The following DPP10 variants were observed in gnomAD, a reference collection of about 807,000 sequenced individuals.
DPP10 encodes inactive dipeptidyl peptidase 10.
DPP10 carries 33 observed loss-of-function variants against 120.9 expected under a neutral mutation model. The observed-to-expected ratio is 0.27, with a 90% CI of 0.21 to 0.37. The LOEUF (loss-of-function observed/expected upper bound fraction) is 0.37. Ranked by LOEUF, DPP10 falls within the 10% of genes least tolerant of loss-of-function variation. The pLI, the probability that DPP10 is intolerant of heterozygous loss-of-function variation, is 1.00. For missense variants in DPP10, 816 were observed against 942.8 expected (o/e 0.87, Z 1.76); for synonymous variants, 337 against 326.1 (o/e 1.03, Z -0.36).
chr2:115,452,129 C>T (rs574234550), intron 3 of DPP10, among the ~76,000 whole-genome samples: 85 of 151,648 alleles, frequency 5.6e-4, no homozygotes, highest in African/African-American at 2.0e-3. Flanking sequence ...TCTCATTACT[C>T]TTCTTCTTCT....
chr2:114,710,754 A>G (rs1056198653), intron 1 of DPP10, among the ~76,000 whole-genome samples: 1 of 152,204 alleles, frequency 6.6e-6, no homozygotes, highest in African/African-American at 2.4e-5. Flanking sequence ...AAAAAAATAA[A>G]AAAAATTAAA....
At chr2:114,546,666 C>T (rs1043138995) in intron 1 of DPP10, among the ~76,000 whole-genome samples, 66 of 152,112 alleles carry the variant, frequency 4.3e-4, no homozygotes, top group African/African-American at 1.2e-3. Context: ...TGGTGACATC[C>T]GTATCTCCTA....
At chr2:115,637,769 C>T (rs1264446478) in intron 5 of DPP10, among the ~76,000 whole-genome samples, 2 of 152,194 alleles carry the variant, frequency 1.3e-5, no homozygotes, top group Non-Finnish European at 2.9e-5. Context: ...GGGAAGCCTA[C>T]ACACAGCTCT....
At chr2:115,308,693 GTTTTTTT>G (rs3068805) in intron 1 of DPP10, among the ~76,000 whole-genome samples, 3 of 126,642 alleles carry the variant, frequency 2.4e-5, no homozygotes, top group Admixed American at 8.0e-5. Context: ...ACTAAATCCT[GTTTTTTT>G]TTTTTTTTTT....
chr2:114,558,455 T>C (rs997747805), intron 1 of DPP10, among the ~76,000 whole-genome samples: 2 of 152,274 alleles, frequency 1.3e-5, no homozygotes, highest in Admixed American at 6.5e-5. Context: ...TTCTCGTCTT[T>C]CTGGCATCAA....
chr2:115,694,904 C>T (rs2091502069), intron 7 of DPP10, among the ~76,000 whole-genome samples: 1 of 152,130 alleles, frequency 6.6e-6, no homozygotes, highest in Non-Finnish European at 1.5e-5. Context: ...AATGAGGGCC[C>T]TGTGATGCAA....
intron 1 of DPP10, among the ~76,000 whole-genome samples, chr2:114,791,934 C>T (rs560136501): frequency 3.9e-5 from 6 of 152,278 alleles, no homozygotes; most frequent in East Asian, 1.9e-4. Context: ...AATCAGCCTT[C>T]GCACTTTTCT....
intron 3 of DPP10, among the ~76,000 whole-genome samples, chr2:115,376,654 A>T: frequency 6.7e-6 from 1 of 148,268 alleles, no homozygotes; most frequent in South Asian, 2.2e-4. Flanking sequence ...GCACCCACTA[A>T]CTCGTCATCT....
intron 1 of DPP10, among the ~76,000 whole-genome samples, chr2:115,017,658 G>A (rs945894690): frequency 1.1e-5 from 1 of 92,006 alleles, no homozygotes; most frequent in Non-Finnish European, 2.2e-5. Context: ...ATACACCATG[G>A]AATACTATGC....
chr2:115,215,702 A>AT (rs1343193830), intron 1 of DPP10, among the ~76,000 whole-genome samples: 1 of 152,138 alleles, frequency 6.6e-6, no homozygotes, highest in Admixed American at 6.6e-5. Flanking sequence ...CAGTATGCAG[A>AT]TTTTTTCAAA....
At chr2:114,876,912 C>G (rs1691209452) in intron 1 of DPP10, among the ~76,000 whole-genome samples, 2 of 151,892 alleles carry the variant, frequency 1.3e-5, no homozygotes, top group Admixed American at 1.3e-4. Flanking sequence ...ACTAAAGTGT[C>G]ACGACTTTTC....
chr2:115,397,219 A>G (rs549568174), intron 3 of DPP10, among the ~76,000 whole-genome samples: 106 of 152,302 alleles, frequency 7.0e-4, no homozygotes, highest in Middle Eastern at 3.4e-3. Context: ...TAAGTTAGTC[A>G]TGTTTGAGTT....
intron 1 of DPP10, among the ~76,000 whole-genome samples, chr2:114,669,900 C>T (rs1698201559): frequency 6.6e-6 from 1 of 152,040 alleles, no homozygotes. Flanking sequence ...TTTTATGCAG[C>T]CAAAAGACAC....
intron 1 of DPP10, among the ~76,000 whole-genome samples, chr2:114,609,905 C>G (rs1372185708): frequency 2.0e-5 from 3 of 152,144 alleles, no homozygotes; most frequent in Non-Finnish European, 4.4e-5. Context: ...TGAAGCCAAC[C>G]ACATCCTTCA....
chr2:115,387,635 A>G (rs2067038044), intron 3 of DPP10, among the ~76,000 whole-genome samples: 1 of 152,214 alleles, frequency 6.6e-6, no homozygotes, highest in Non-Finnish European at 1.5e-5. Context: ...TTCTTATTTT[A>G]AAATAATGTT....
At chr2:115,712,540 T>TTTTATATATATATA (rs778592374) in intron 7 of DPP10, among the ~76,000 whole-genome samples, 27 of 18,070 alleles carry the variant, frequency 1.5e-3, no homozygotes, top group East Asian at 3.6e-3. Flanking sequence ...GAGTCCTGAA[T>TTTTATATATATATA]TAAATATATA....
At chr2:115,527,757 A>T (rs983603123) in intron 5 of DPP10, among the ~76,000 whole-genome samples, 3 of 152,182 alleles carry the variant, frequency 2.0e-5, no homozygotes, top group Non-Finnish European at 2.9e-5. Context: ...AAGTACATGA[A>T]AATATTTTAA....
chr2:114,777,392 A>C (rs766906246), intron 1 of DPP10, among the ~76,000 whole-genome samples: 12 of 152,086 alleles, frequency 7.9e-5, no homozygotes, highest in Non-Finnish European at 1.5e-4. Flanking sequence ...ATTTCTGAAG[A>C]GGGTTTTCAG....
intron 21 of DPP10, among the ~76,000 whole-genome samples, chr2:115,831,500 A>G (rs1688922669): frequency 6.6e-6 from 1 of 152,134 alleles, no homozygotes; most frequent in South Asian, 2.1e-4. Context: ...GGCCTCCCAA[A>G]GTGCTGGGAT....
Sources: allele counts gnomAD v4.1 joint callset (sites outside exome capture counted in the v4.1 genomes callset), GRCh38; gene constraint gnomAD v4.1.1; transcripts MANE v1.5; gene names NCBI Gene and HGNC (gene_info 2026-07-23, HGNC 2026-07-21).